Variants in BIRC3 observed in about 807,000 individuals in gnomAD.
The protein encoded by BIRC3 is baculoviral IAP repeat-containing protein 3.
Under a neutral mutation model 59.0 loss-of-function variants are expected in BIRC3, and 26 were observed. That is an observed-to-expected ratio of 0.44 (90% CI 0.32 to 0.61). The LOEUF (loss-of-function observed/expected upper bound fraction) is 0.61. Among genes scored for constraint, BIRC3 ranks in the 20% least tolerant of loss-of-function variants. The pLI is 0.04. For missense variants in BIRC3, 641 were observed against 711.5 expected (o/e 0.90, Z 1.13); for synonymous variants, 243 against 249.2 (o/e 0.98, Z 0.24).
At chr11:102,321,348 T>TTTTAA (rs1216770906) in intron 1 of BIRC3, among the ~76,000 whole-genome samples, 1 of 145,672 alleles carries the variant, frequency 6.9e-6, no homozygotes, top group African/African-American at 2.7e-5. Context: ...AACCTCTGGG[T>TTTTAA]TTTATTTTAT....
intron 6 of BIRC3, among the ~76,000 whole-genome samples, chr11:102,332,835 C>G (rs1418539660): frequency 6.6e-6 from 1 of 152,168 alleles, no homozygotes; most frequent in Non-Finnish European, 1.5e-5. Context: ...CCAGCCTCAT[C>G]AAATTCTCTT....
intron 3 of BIRC3, chr11:102,326,801 G>C: frequency 2.2e-6 from 1 of 454,424 alleles, no homozygotes; most frequent in Non-Finnish European, 4.4e-6. Flanking sequence ...TCCGCCTCTT[G>C]GGTTCAGGCA....
chr11:102,328,982 G>C (rs771889984), intron 5 of BIRC3, 37 bp downstream of exon 5: 1 of 1,175,332 alleles, frequency 8.5e-7, no homozygotes, highest in African/African-American at 1.6e-5. Flanking sequence ...CATTTAAATA[G>C]AGTCATTTGG....
chr11:102,332,512 CAAT>C (rs1212382900), intron 6 of BIRC3, among the ~76,000 whole-genome samples: 2 of 152,134 alleles, frequency 1.3e-5, no homozygotes, highest in African/African-American at 4.8e-5. Context: ...AGGAATGTCC[CAAT>C]AATGTTTTCC....
At chr11:102,333,994 T>G (rs1345969069) in intron 6 of BIRC3, among the ~76,000 whole-genome samples, 1 of 152,182 alleles carries the variant, frequency 6.6e-6, no homozygotes, top group Non-Finnish European at 1.5e-5. Context: ...TCCCAGCTAC[T>G]CAAGTCTTCT....
rs922084864 is a variant in BIRC3, at chr11:102,337,245, T to C, written c.*143T>C. 16 of 579,254 alleles carry C rather than the reference T, an allele frequency of 2.8e-5. No homozygotes were observed. The highest frequency in any genetic ancestry group is 4.3e-5 in the Non-Finnish European group (16 of 369,912). The allele number at this position is 579,254 out of a possible 1,614,324, so 35.9% of individuals were successfully genotyped here. The stretch of plus-strand genomic sequence containing the variant: ...TTGTTTTGTGTAACATATTTATATA[T>C]GTATCTAAACCATATGAACATATAT... On this transcript the variant is annotated 3_prime_UTR_variant, in exon 9 of 9. Coordinates refer to ENST00000263464, the MANE Select transcript of BIRC3 (RefSeq NM_001165.5).
At chr11:102,327,575 G>A (rs184269687) in intron 3 of BIRC3, among the ~76,000 whole-genome samples, 2 of 152,198 alleles carry the variant, frequency 1.3e-5, no homozygotes, top group African/African-American at 4.8e-5. Flanking sequence ...GGGAGGCAGA[G>A]GTTACAGTGA....
At position 102,338,511 on chromosome 11, in the gene BIRC3, T is replaced by C. The variant is rs1262005405; in HGVS notation, c.*1409T>C. 4.4e-6 allele frequency: 1 copy of C among 229,578 alleles called. No homozygotes were observed. 14.2% of individuals were successfully genotyped at this position (229,578 alleles called of 1,614,324 possible). On this transcript the variant is annotated 3_prime_UTR_variant, in exon 9 of 9. Coordinates refer to ENST00000263464, the MANE Select transcript of BIRC3 (RefSeq NM_001165.5). ...TGTGCATTTTTATGCTTAGGTTTGATAATGAATGGACAGCCCTGAAGAATA... is the reference window on the plus strand; with the variant it reads ...TGTGCATTTTTATGCTTAGGTTTGACAATGAATGGACAGCCCTGAAGAATA...
rs1951045256 is a variant in BIRC3, at chr11:102,322,877, A to G, written c.-1633A>G. On this transcript the variant is annotated 5_prime_UTR_variant, in exon 2 of 9. Coordinates refer to ENST00000263464, the MANE Select transcript of BIRC3 (RefSeq NM_001165.5). ...CCTCTTTACTAATGGCTAGTAAATC[A>G]TAATTGAGAAATTCTGAATTTTGAC... The G allele has an allele frequency of 4.7e-6, 1 of 211,814 alleles. No homozygotes were observed. The highest frequency in any genetic ancestry group is 5.9e-5 in the Admixed American group (1 of 17,012). The allele number at this position is 211,814 out of a possible 1,614,324, so 13.1% of individuals were successfully genotyped here. A position where few individuals can be genotyped will look rare whatever the true frequency, so the allele number is the denominator to read the frequency against.
rs576645030 is a variant in BIRC3, at chr11:102,319,706, A to AT, written c.-2673-2130dup. 2.6e-5 allele frequency among the ~76,000 whole-genome samples: 4 copies of AT among 151,952 alleles called. No individual in the cohort carries two copies. In the South Asian group the frequency reaches 8.3e-4, roughly 31 times the overall value. On this transcript the variant is annotated intron_variant, in intron 1 of 8. Coordinates refer to ENST00000263464, the MANE Select transcript of BIRC3 (RefSeq NM_001165.5). ...GGTGTTGAAGGTTTAGAAGAGGTGC[A>AT]TAGGGCATGGGCTAGGGAGCTGAGC...
chr11:102,335,867 G>C, intron 6 of BIRC3, 99 bp from the exon 7 acceptor site: 1 of 1,263,778 alleles, frequency 7.9e-7, no homozygotes, highest in Non-Finnish European at 1.1e-6. Context: ...TACTGATTAC[G>C]AATTAAAGAT....
intron 6 of BIRC3, among the ~76,000 whole-genome samples, chr11:102,335,261 A>C (rs936660495): frequency 6.6e-6 from 1 of 152,208 alleles, no homozygotes; most frequent in Admixed American, 6.5e-5. Flanking sequence ...TAAATAAATA[A>C]TAAAAGAAAT....
Position 102,324,751 on chromosome 11 carries a change from G to C in BIRC3, c.242G>C (p.Ser81Thr), listed in dbSNP as rs1200982745. The C allele has an allele frequency of 6.8e-6, 11 of 1,614,066 alleles. No homozygotes were observed. Among genetic ancestry groups the C allele is most frequent in the Non-Finnish European group, 9.3e-6 (11 of 1,180,038 alleles). The change falls in exon 2 of 9, where the codon AGT (serine) becomes ACT (threonine). Residue 81 changes from serine to threonine, a missense_variant. This residue lies in a region of BIRC3 where 329 missense variants were observed against 365.6 expected (regional missense o/e 0.90). Coordinates refer to ENST00000263464, the MANE Select transcript of BIRC3 (RefSeq NM_001165.5). Reference sequence around the variant, plus strand: ...CTGGATAACTGGAAAAGAGGAGACAGTCCTACTGAAAAGCATAAAAAGTTG... The same window carrying C: ...CTGGATAACTGGAAAAGAGGAGACACTCCTACTGAAAAGCATAAAAAGTTG... ...LMLDNWKRGD[S>T]PTEKHKKLYP...
In BIRC3 at chr11:102,338,045, A is replaced by G. The variant is rs1439659693; in HGVS notation, c.*943A>G. On this transcript the variant is annotated 3_prime_UTR_variant, in exon 9 of 9. Coordinates refer to ENST00000263464, the MANE Select transcript of BIRC3 (RefSeq NM_001165.5). ...TTTTATTCTTATCTCTTTGGTATTA[A>G]TTCTGAAACTTAGAAAGTACACTGG... is the stretch of plus-strand genomic sequence containing the variant. 2 of 227,088 alleles carry G rather than the reference A, an allele frequency of 8.8e-6. No individual in the cohort carries two copies. The highest frequency in any genetic ancestry group is 1.7e-5 in the Non-Finnish European group (2 of 114,334). 14.1% of individuals were successfully genotyped at this position (227,088 alleles called of 1,614,324 possible).
At position 102,337,402 on chromosome 11, in the gene BIRC3, G is replaced by A; in HGVS notation, c.*300G>A. 1 of 403,850 alleles carries A rather than the reference G, an allele frequency of 2.5e-6. No individual in the cohort carries two copies. The highest frequency in any genetic ancestry group is 4.3e-6 in the Non-Finnish European group (1 of 230,192). The allele number at this position is 403,850 out of a possible 1,614,324, so 25.0% of individuals were successfully genotyped here. ...GTGAAGTAAAACTTAAGATATTTGA[G>A]TTAACCTTTAAGAATTTTAAATATT... On this transcript the variant is annotated 3_prime_UTR_variant, in exon 9 of 9. Coordinates refer to ENST00000263464, the MANE Select transcript of BIRC3 (RefSeq NM_001165.5).
chr11:102,325,383 A>T, intron 2 of BIRC3, 21 bp downstream of exon 2: 1 of 1,583,892 alleles, frequency 6.3e-7, no homozygotes, highest in Non-Finnish European at 8.6e-7. Context: ...GAATCTGCTA[A>T]TTAAAAAAAA....
chr11:102,332,307 A>T (rs1951151187), intron 6 of BIRC3, among the ~76,000 whole-genome samples: 1 of 152,208 alleles, frequency 6.6e-6, no homozygotes, highest in South Asian at 2.1e-4. Flanking sequence ...AACACAGCTG[A>T]AAACAGACTG....
intron 5 of BIRC3, among the ~76,000 whole-genome samples, chr11:102,329,393 C>T (rs562346480): frequency 6.6e-6 from 1 of 152,284 alleles, no homozygotes; most frequent in Non-Finnish European, 1.5e-5. Flanking sequence ...TGTACATCAC[C>T]TTACACCTAA....
intron 3 of BIRC3, 25 bp downstream of exon 3, chr11:102,325,590 C>T: frequency 6.2e-7 from 1 of 1,600,782 alleles, no homozygotes; most frequent in Non-Finnish European, 8.5e-7. Context: ...ATTCTCTTTG[C>T]AAATTCTTGT....
Sources: gnomAD v4.1 joint callset for allele counts (sites outside exome capture counted in the v4.1 genomes callset) on GRCh38, gnomAD v4.1.1 for gene constraint, gnomAD v4.1.1 regional missense constraint, MANE v1.5 for transcripts, NCBI Gene and HGNC (gene_info 2026-07-23, HGNC 2026-07-21) for gene names.